Variants in GRM3 observed in about 807,000 individuals in gnomAD.
The protein encoded by GRM3 is glutamate metabotropic receptor 3.
In GRM3, 26 loss-of-function variants were observed where a neutral mutation model predicts 70.5. The ratio of observed to expected loss-of-function variants is 0.37; its 90% CI spans 0.27 to 0.51. The LOEUF (loss-of-function observed/expected upper bound fraction) is 0.51. Ranked by LOEUF, GRM3 falls within the 20% of genes least tolerant of loss-of-function variation. GRM3 has a pLI of 0.93. For missense variants in GRM3, 859 were observed against 1,123.8 expected (o/e 0.76, Z 3.37); for synonymous variants, 443 against 434.9 (o/e 1.02, Z -0.23).
intron 1 of GRM3, among the ~76,000 whole-genome samples, chr7:86,666,081 G>A (rs1053800929): frequency 6.6e-6 from 1 of 151,960 alleles, no homozygotes; most frequent in Non-Finnish European, 1.5e-5. Context: ...AATTACAGGA[G>A]CAAGTTGAAA....
chr7:86,838,184 A>G (rs1798493905), intron 3 of GRM3, among the ~76,000 whole-genome samples: 1 of 152,200 alleles, frequency 6.6e-6, no homozygotes, highest in African/African-American at 2.4e-5. Context: ...ATTTGTGTGA[A>G]TATGAGCATG....
chr7:86,812,088 C>CA (rs1314632959), intron 3 of GRM3, among the ~76,000 whole-genome samples: 3 of 151,688 alleles, frequency 2.0e-5, no homozygotes, highest in Admixed American at 6.6e-5. Context: ...TGTCTGTAGT[C>CA]ACGGCATTCA....
intron 3 of GRM3, among the ~76,000 whole-genome samples, chr7:86,834,784 G>A (rs1027897307): frequency 6.6e-5 from 10 of 151,826 alleles, no homozygotes; most frequent in Non-Finnish European, 1.5e-4. Context: ...GGTAGAGGTT[G>A]GGTGCATACT....
rs755884573 is a variant in GRM3 at position 86,839,517 on chromosome 7, G to A, written c.2003G>A (p.Arg668His). 1.9e-6 allele frequency: 3 copies of A among 1,606,736 alleles called. No homozygotes were observed. Among genetic ancestry groups the A allele is most frequent in the South Asian group, 1.1e-5 (1 of 90,042 alleles). Residue 668 changes from arginine to histidine, a missense_variant, in exon 4 of 6, where the codon CGC (arginine) becomes CAC (histidine). Arg to His is a conservative substitution (Grantham distance 29). Coordinates refer to ENST00000361669, the MANE Select transcript of GRM3 (RefSeq NM_000840.3). This position sits in a 1 kb window ranked among gnomAD's most constrained non-coding sequence, Gnocchi z 4.5. Reference protein sequence around the residue: ...ALLTKTNCIARIFDGVKNGAQ... With the variant: ...ALLTKTNCIAHIFDGVKNGAQ... ...CTGACCAAGACAAACTGCATTGCCC[G>A]CATCTTCGATGGGGTCAAGAATGGC...
At chr7:86,679,350 G>A (rs950483300) in intron 1 of GRM3, among the ~76,000 whole-genome samples, 8 of 152,026 alleles carry the variant, frequency 5.3e-5, no homozygotes, top group African/African-American at 9.7e-5. Context: ...TTTAAAAGGA[G>A]TAAGTTTGAC....
At chr7:86,743,121 C>T (rs1305546228) in intron 1 of GRM3, among the ~76,000 whole-genome samples, 1 of 152,008 alleles carries the variant, frequency 6.6e-6, no homozygotes, top group Non-Finnish European at 1.5e-5. Flanking sequence ...ATTACATGAT[C>T]GTATCTCTTT....
intron 1 of GRM3, among the ~76,000 whole-genome samples, chr7:86,710,463 T>TAA (rs552503164): frequency 1.2e-4 from 17 of 142,350 alleles, no homozygotes; most frequent in East Asian, 4.2e-4. Context: ...CAGGAAAAGT[T>TAA]AAAAAAAAAA....
At chr7:86,655,434 G>C (rs1447645865) in intron 1 of GRM3, among the ~76,000 whole-genome samples, 1 of 152,050 alleles carries the variant, frequency 6.6e-6, no homozygotes, top group Non-Finnish European at 1.5e-5. Flanking sequence ...AAATAAAAAA[G>C]CAAATTTATT....
chr7:86,860,651 A>G (rs1444569942), intron 5 of GRM3, among the ~76,000 whole-genome samples: 2 of 152,174 alleles, frequency 1.3e-5, no homozygotes, highest in African/African-American at 2.4e-5. Flanking sequence ...GAATGTCCCT[A>G]TGAAGGGGGT....
intron 2 of GRM3, among the ~76,000 whole-genome samples, chr7:86,778,587 C>G: frequency 6.6e-6 from 1 of 152,112 alleles, no homozygotes; most frequent in East Asian, 1.9e-4. Context: ...TTTTCCAGTT[C>G]ACATTCTCTT....
In GRM3 at chr7:86,806,839, G is replaced by A. The variant is rs184374030; in HGVS notation, c.1324+19723G>A. Among the ~76,000 whole-genome samples, 404 of 151,932 alleles carry A rather than the reference G, an allele frequency of 2.7e-3. 14 individuals carry two copies. The East Asian group carries it at 0.065, about 25-fold the overall frequency. On this transcript the variant is annotated intron_variant, in intron 3 of 5. Transcript: ENST00000361669. ...CTTGCCCATGCCTATGTCCTGAATG[G>A]TATTGCCTAGGTTTTCTTCTAGGGT... is the stretch of plus-strand genomic sequence containing the variant.
At chr7:86,843,982 G>A (rs1375131501) in intron 4 of GRM3, among the ~76,000 whole-genome samples, 1 of 152,114 alleles carries the variant, frequency 6.6e-6, no homozygotes, top group Non-Finnish European at 1.5e-5. Flanking sequence ...CAAGAATCTC[G>A]ATATCAGCAA....
intron 1 of GRM3, among the ~76,000 whole-genome samples, chr7:86,689,542 G>A (rs1794649250): frequency 1.3e-5 from 2 of 152,038 alleles, no homozygotes; most frequent in South Asian, 4.1e-4. Context: ...TGAAGGTTTT[G>A]AAGCATAATA....
intron 1 of GRM3, among the ~76,000 whole-genome samples, chr7:86,721,841 G>A (rs1279033738): frequency 1.3e-5 from 2 of 152,104 alleles, no homozygotes; most frequent in Non-Finnish European, 2.9e-5. Flanking sequence ...GATTCAGGTG[G>A]CAAATGCCAC....
intron 1 of GRM3, among the ~76,000 whole-genome samples, chr7:86,688,443 T>TA (rs1794617232): frequency 6.6e-6 from 1 of 151,676 alleles, no homozygotes; most frequent in Non-Finnish European, 1.5e-5. Flanking sequence ...TAGCAAGCTA[T>TA]AAAATCACAA....
chr7:86,690,233 A>G (rs994475416), intron 1 of GRM3, among the ~76,000 whole-genome samples: 2 of 152,218 alleles, frequency 1.3e-5, no homozygotes, highest in South Asian at 4.1e-4. Flanking sequence ...GTTTCCAAGA[A>G]CTGAAAGAGG....
chr7:86,748,564 G>A (rs981146061), intron 1 of GRM3, among the ~76,000 whole-genome samples: 8 of 152,108 alleles, frequency 5.3e-5, no homozygotes, highest in Admixed American at 2.6e-4. Context: ...CCGATATTTC[G>A]TAAGAAAATT....
At chr7:86,696,907 A>C (rs1426909661) in intron 1 of GRM3, among the ~76,000 whole-genome samples, 1 of 152,200 alleles carries the variant, frequency 6.6e-6, no homozygotes, top group African/African-American at 2.4e-5. Flanking sequence ...CCATTGTCTT[A>C]ACTGCTCTAC....
At chr7:86,702,369 A>G (rs1271978560) in intron 1 of GRM3, among the ~76,000 whole-genome samples, 1 of 152,016 alleles carries the variant, frequency 6.6e-6, no homozygotes, top group East Asian at 1.9e-4. Flanking sequence ...CAGAGTGAAC[A>G]ATGTTCTTAA....
Sources: allele counts gnomAD v4.1 joint callset (sites outside exome capture counted in the v4.1 genomes callset), GRCh38; gene constraint gnomAD v4.1.1; non-coding constraint Gnocchi (gnomAD v3.1); transcripts MANE v1.5; gene names NCBI Gene and HGNC (gene_info 2026-07-23, HGNC 2026-07-21).